ZNF678: variants seen among roughly 807,000 people sequenced by gnomAD.
ZNF678 encodes the protein zinc finger protein 678, also known as hypothetical protein MGC42493.
Under a neutral mutation model 3.0 loss-of-function variants are expected in ZNF678, and 5 were observed. That is an observed-to-expected ratio of 1.69 (90% CI 0.88 to 3.56). ZNF678 has a LOEUF of 3.56. Ranked by LOEUF, ZNF678 falls within the 30% of genes most tolerant of loss-of-function variation. The pLI is 0.00. For synonymous variants in ZNF678, 218 were observed against 199.6 expected (o/e 1.09, Z -0.78); for missense variants, 593 against 605.0 (o/e 0.98, Z 0.21).
At chr1:227,585,728 G>T (rs1335676087) in intron 1 of ZNF678, among the ~76,000 whole-genome samples, 1 of 151,664 alleles carries the variant, frequency 6.6e-6, no homozygotes, top group Non-Finnish European at 1.5e-5. Flanking sequence ...AGTGAGCTGA[G>T]ATCACACCAC....
At chr1:227,576,971 C>T (rs1037364559) in intron 1 of ZNF678, among the ~76,000 whole-genome samples, 4 of 152,046 alleles carry the variant, frequency 2.6e-5, no homozygotes, top group South Asian at 2.1e-4. Context: ...TCCTGACTTC[C>T]ACCTTAATTT....
At chr1:227,622,343 C>T (rs930796135) in intron 1 of ZNF678, among the ~76,000 whole-genome samples, 3 of 152,194 alleles carry the variant, frequency 2.0e-5, no homozygotes, top group African/African-American at 7.2e-5. Flanking sequence ...ACATATTCCA[C>T]CTTTGTAGGC....
intron 1 of ZNF678, among the ~76,000 whole-genome samples, chr1:227,607,591 G>T (rs1657905801): frequency 6.6e-6 from 1 of 151,274 alleles, no homozygotes; most frequent in Non-Finnish European, 1.5e-5. Flanking sequence ...CGAATCAGTG[G>T]TTAACACTTA....
chr1:227,648,890 C>A (rs1385387195), intron 2 of ZNF678, among the ~76,000 whole-genome samples: 2 of 152,072 alleles, frequency 1.3e-5, no homozygotes, highest in African/African-American at 4.8e-5. Context: ...TAGGTCCTGC[C>A]AACTCCCTCT....
At chr1:227,583,926 T>G (rs746270990) in intron 1 of ZNF678, among the ~76,000 whole-genome samples, 1 of 152,218 alleles carries the variant, frequency 6.6e-6, no homozygotes, top group Non-Finnish European at 1.5e-5. Flanking sequence ...CAGAGACCCA[T>G]GCATCCAAAA....
intron 1 of ZNF678, among the ~76,000 whole-genome samples, chr1:227,591,360 AT>A (rs1444412813): frequency 6.6e-6 from 1 of 152,084 alleles, no homozygotes; most frequent in Non-Finnish European, 1.5e-5. Context: ...GGTAGACAGG[AT>A]TTTTTTCATT....
In ZNF678 at chr1:227,597,298, C is replaced by G. The variant is rs575528157; in HGVS notation, c.-164+33574C>G. On this transcript the variant is annotated intron_variant, in intron 1 of 3. Coordinates refer to ENST00000343776, the MANE Select transcript of ZNF678 (RefSeq NM_001367909.1). ...TAAGTGGTTTTCTGCCCTGGGTGGG[C>G]CAGGTGTTCCTTGCCCTCATTCCGG... 1.4e-4 allele frequency among the ~76,000 whole-genome samples: 22 copies of G among 152,354 alleles called. No individual in the cohort carries two copies. The Middle Eastern group carries it at 0.014, about 94-fold the overall frequency.
At chr1:227,613,055 A>G (rs971359042) in intron 1 of ZNF678, among the ~76,000 whole-genome samples, 1 of 152,156 alleles carries the variant, frequency 6.6e-6, no homozygotes, top group Non-Finnish European at 1.5e-5. Flanking sequence ...CTTTAATACC[A>G]GCAGACAGCG....
At chr1:227,632,312 A>G (rs1358119359) in intron 1 of ZNF678, among the ~76,000 whole-genome samples, 2 of 152,104 alleles carry the variant, frequency 1.3e-5, no homozygotes, top group Admixed American at 1.3e-4. Flanking sequence ...ACGCATTAGT[A>G]CCTAGGAGGC....
rs771815105 is a variant in ZNF678 at position 227,646,538 on chromosome 1, C to A, written c.-163-6C>A. 3.9e-5 allele frequency: 54 copies of A among 1,370,214 alleles called. No individual in the cohort carries two copies. The highest frequency in any genetic ancestry group is 4.7e-5 in the Non-Finnish European group (48 of 1,023,258). The allele number at this position is 1,370,214 out of a possible 1,614,324, so 84.9% of individuals were successfully genotyped here. ...GTAAATACGTGTGTATTTTTCCCCCCCCCAGGGACTACTGGCATTCAGTGA... is the reference window on the plus strand; with the variant it reads ...GTAAATACGTGTGTATTTTTCCCCCACCCAGGGACTACTGGCATTCAGTGA... On this transcript the variant is annotated splice_region_variant and splice_polypyrimidine_tract_variant and intron_variant, in intron 1 of 3. Transcript: ENST00000343776.
intron 1 of ZNF678, among the ~76,000 whole-genome samples, chr1:227,617,180 A>G (rs1476807869): frequency 2.0e-5 from 3 of 152,194 alleles, no homozygotes; most frequent in Non-Finnish European, 4.4e-5. Context: ...ATGCTTGACC[A>G]TGTGCCACCA....
chr1:227,613,181 C>G (rs1658061628), intron 1 of ZNF678, among the ~76,000 whole-genome samples: 1 of 152,192 alleles, frequency 6.6e-6, no homozygotes, highest in African/African-American at 2.4e-5. Flanking sequence ...TACAGCTACT[C>G]ACTACCTCTA....
At chr1:227,668,858 A>G (rs890886038) in intron 5 of ZNF678, among the ~76,000 whole-genome samples, 3 of 151,676 alleles carry the variant, frequency 2.0e-5, no homozygotes, top group African/African-American at 7.3e-5. Context: ...CTTCTTAAAG[A>G]TCAGATGGTT....
chr1:227,649,120 G>A (rs1360558481), intron 2 of ZNF678, among the ~76,000 whole-genome samples: 1 of 152,066 alleles, frequency 6.6e-6, no homozygotes, highest in Non-Finnish European at 1.5e-5. Context: ...AAACATTTAG[G>A]TTATTGTCAT....
At chr1:227,604,595 G>A (rs1657818669) in intron 1 of ZNF678, among the ~76,000 whole-genome samples, 1 of 152,052 alleles carries the variant, frequency 6.6e-6, no homozygotes, top group Admixed American at 6.6e-5. Context: ...TCACCATGTT[G>A]CACAGCTGAT....
intron 2 of ZNF678, among the ~76,000 whole-genome samples, chr1:227,649,233 G>A (rs907555940): frequency 6.6e-6 from 1 of 152,154 alleles, no homozygotes; most frequent in Admixed American, 6.5e-5. Flanking sequence ...AACTGGGATT[G>A]CTGAATTTTA....
intron 1 of ZNF678, among the ~76,000 whole-genome samples, chr1:227,588,618 A>G (rs928305567): frequency 1.3e-4 from 19 of 150,628 alleles, no homozygotes; most frequent in Non-Finnish European, 2.4e-4. Context: ...TCATGCCTCA[A>G]CCTCCTGAGT....
chr1:227,616,517 T>C (rs1351993326), intron 1 of ZNF678, among the ~76,000 whole-genome samples: 1 of 152,236 alleles, frequency 6.6e-6, no homozygotes, highest in Non-Finnish European at 1.5e-5. Context: ...TTTGAGGCCT[T>C]CTACCTCAGG....
rs143722086 is a variant in ZNF678, at chr1:227,587,331, G to A, written c.-164+23607G>A. On this transcript the variant is annotated intron_variant, in intron 1 of 3. Transcript: ENST00000343776. ...TGCTACTGAACCAGGATATATAGGAGGCAAAACAAAACAAAACAAAACAAA... is the reference window on the plus strand; with the variant it reads ...TGCTACTGAACCAGGATATATAGGAAGCAAAACAAAACAAAACAAAACAAA... Among the ~76,000 whole-genome samples, 405 of 151,198 alleles carry A rather than the reference G, an allele frequency of 2.7e-3. 2 individuals are homozygous for A. Among genetic ancestry groups the A allele is most frequent in the African/African-American group, 9.6e-3 (391 of 40,894 alleles).
Sources: allele counts gnomAD v4.1 joint callset (sites outside exome capture counted in the v4.1 genomes callset), GRCh38; gene constraint gnomAD v4.1.1; transcripts MANE v1.5; gene names NCBI Gene and HGNC (gene_info 2026-07-23, HGNC 2026-07-21).